Variants in CCDC33 observed in about 807,000 individuals in gnomAD.
CCDC33 encodes the protein coiled-coil domain containing 33.
A neutral mutation model predicts 91.9 loss-of-function variants in CCDC33; 94 were observed. The ratio of observed to expected loss-of-function variants is 1.02; its 90% CI spans 0.87 to 1.21. The LOEUF (loss-of-function observed/expected upper bound fraction) is 1.21, where lower values mean the gene tolerates loss of function less well. Ranked by LOEUF, CCDC33 falls within the 50% of genes most tolerant of loss-of-function variation. CCDC33 has a pLI of 0.00. For synonymous variants in CCDC33, 396 were observed against 374.5 expected, an observed-to-expected ratio of 1.06 and a Z score of -0.66; for missense variants, 940 against 935.5, an observed-to-expected ratio of 1.00 and a Z score of -0.06.
At chr15:74,211,181 A>C (rs543847370) in intron 2 of CCDC33, among the ~76,000 whole-genome samples, 11 of 124,852 alleles carry the variant, frequency 8.8e-5, no homozygotes, top group African/African-American at 3.0e-4. Flanking sequence ...ACACACACAC[A>C]CCTCACTGCT....
chr15:74,236,398 T>G lies in CCDC33; in HGVS notation c.-322T>G. ...TCCACCGTCCTAGGTGTGCCAAGAG[T>G]CAATTGCCTCATTGCTGACCCTGTC... On this transcript the variant is annotated 5_prime_UTR_variant, in exon 1 of 19. Transcript: ENST00000398814. The G allele has an allele frequency of 2.8e-6, 1 of 355,446 alleles. No individual in the cohort carries two copies. Among genetic ancestry groups the G allele is most frequent in the Non-Finnish European group, 5.1e-6 (1 of 196,506 alleles). 22.0% of individuals were successfully genotyped at this position (355,446 alleles called of 1,614,324 possible). A position where few individuals can be genotyped will look rare whatever the true frequency, so the allele number is the denominator to read the frequency against.
chr15:74,238,409 C>CAAA (rs557444250), intron 1 of CCDC33, among the ~76,000 whole-genome samples: 1 of 66,660 alleles, frequency 1.5e-5, no homozygotes. Context: ...AACTCCATCT[C>CAAA]AAAAAAAAAA....
At chr15:74,304,096 C>T (rs992210293) in intron 11 of CCDC33, 3 of 152,326 alleles carry the variant, frequency 2.0e-5, no homozygotes, top group African/African-American at 7.2e-5. Context: ...TGTGTTCCAT[C>T]TCCACCACTC....
intron 1 of CCDC33, among the ~76,000 whole-genome samples, chr15:74,203,808 T>C (rs1003493095): frequency 4.6e-5 from 7 of 151,810 alleles, no homozygotes; most frequent in Admixed American, 2.6e-4. Flanking sequence ...CCAAGAGCAT[T>C]TGGGGATGGG....
intron 11 of CCDC33, among the ~76,000 whole-genome samples, chr15:74,305,519 G>T (rs1039868913): frequency 6.6e-6 from 1 of 152,178 alleles, no homozygotes; most frequent in Admixed American, 6.5e-5. Flanking sequence ...GCATCACCCA[G>T]GGGCTAAGGG....
chr15:74,336,401 GGA>G (rs2060568125), downstream of CCDC33: 1 of 1,315,118 alleles, frequency 7.6e-7, no homozygotes, highest in Non-Finnish European at 9.9e-7. Context: ...AGCTCTGTTG[GGA>G]AATACGAGGG....
At chr15:74,265,271 G>A (rs2076136517) in intron 3 of CCDC33, among the ~76,000 whole-genome samples, 1 of 152,090 alleles carries the variant, frequency 6.6e-6, no homozygotes, top group African/African-American at 2.4e-5. Context: ...AGAAGCAGAG[G>A]GCAAGGGTCT....
chr15:74,239,281 C>G (rs1342782673), intron 1 of CCDC33, among the ~76,000 whole-genome samples: 1 of 152,092 alleles, frequency 6.6e-6, no homozygotes, highest in Admixed American at 6.6e-5. Flanking sequence ...ATCTCTCTCC[C>G]CACCAGAACC....
upstream of CCDC33, among the ~76,000 whole-genome samples, chr15:74,216,986 T>C (rs149016330): frequency 2.8e-3 from 433 of 152,326 alleles, 3 homozygotes; most frequent in African/African-American, 0.01. Context: ...AGTTATTGTT[T>C]GGTTCACTGC....
intron 9 of CCDC33, 152 bp downstream of exon 9, chr15:74,280,953 A>C: frequency 1.4e-6 from 1 of 735,926 alleles, no homozygotes; most frequent in Non-Finnish European, 1.9e-6. Context: ...CCAGTCTAGA[A>C]GTGAGGAGCT....
Position 74,316,304 on chromosome 15 carries a change from C to T in CCDC33, c.1291-13885C>T, listed in dbSNP as rs544267292. ...GCTGGGGCGCCCCTCCAGCCTCCCG[C>T]CAGAGCAGGGCTGGAAGACTGCCAT... On this transcript the variant is annotated intron_variant, in intron 11 of 18. Coordinates refer to ENST00000398814, the MANE Select transcript of CCDC33 (RefSeq NM_025055.5). This position sits in a 1 kb window ranked among gnomAD's most constrained non-coding sequence, Gnocchi z 4.7. 2.6e-5 allele frequency among the ~76,000 whole-genome samples: 4 copies of T among 152,344 alleles called. No individual in the cohort carries two copies. The highest frequency in any genetic ancestry group is 4.1e-4 in the South Asian group (2 of 4,832).
In CCDC33 at chr15:74,327,696, G is replaced by T. The variant is rs564334312; in HGVS notation, c.1291-2493G>T. ...CCCAAAACAGCTGAGTTGGAGAACA[G>T]GAGGGTCTTAGAAAAAATGACCCTC... On this transcript the variant is annotated intron_variant, in intron 11 of 18. Transcript: ENST00000398814. 1.8e-3 allele frequency among the ~76,000 whole-genome samples: 275 copies of T among 152,306 alleles called. 2 individuals are homozygous for T. Among genetic ancestry groups the T allele is most frequent in the African/African-American group, 5.2e-3 (215 of 41,562 alleles).
At chr15:74,289,211 C>G (rs564398913) in intron 10 of CCDC33, among the ~76,000 whole-genome samples, 39 of 152,330 alleles carry the variant, frequency 2.6e-4, no homozygotes, top group African/African-American at 9.1e-4. Flanking sequence ...CACATTTGGT[C>G]TCGCTGCAAT....
rs144659226 is a variant in CCDC33 at position 74,219,317 on chromosome 15, G to C, written c.675+456G>C. On this transcript the variant is annotated intron_variant, in intron 2 of 2. Coordinates refer to the CCDC33 transcript ENST00000635913. ...TCTAGTCCTTATCCGAAATATAGGA[G>C]GCTTCTCCCCTATGACCATGTTCTG... is the stretch of plus-strand genomic sequence containing the variant. Among the ~76,000 whole-genome samples, 577 of 152,306 alleles carry C rather than the reference G, an allele frequency of 3.8e-3. 3 individuals are homozygous for C. The highest frequency in any genetic ancestry group is 0.013 in the African/African-American group (547 of 41,560).
At position 74,244,774 on chromosome 15, in the gene CCDC33, A is replaced by T. The variant is rs1249570770; in HGVS notation, c.185+626A>T. 6.6e-6 allele frequency among the ~76,000 whole-genome samples: 1 copy of T among 152,196 alleles called. No homozygotes were observed. Among genetic ancestry groups the T allele is most frequent in the Non-Finnish European group, 1.5e-5 (1 of 68,030 alleles). ...TTCCAGAAAGGCGCCAAGGGGCAAC[A>T]CAATCTCCATCCAGCCAACCTTCGC... is the stretch of plus-strand genomic sequence containing the variant. On this transcript the variant is annotated intron_variant, in intron 2 of 18. Coordinates refer to ENST00000398814, the MANE Select transcript of CCDC33 (RefSeq NM_025055.5). The surrounding 1 kb of genome is among the most constrained non-coding windows in gnomAD (Gnocchi z 4.2).
At chr15:74,241,579 G>T (rs1375980521) in intron 1 of CCDC33, among the ~76,000 whole-genome samples, 1 of 152,260 alleles carries the variant, frequency 6.6e-6, no homozygotes. Flanking sequence ...GGCTCTGAGA[G>T]AAGCAGCAAG....
In CCDC33 at chr15:74,218,208, C is replaced by T. The variant is rs1413808260; in HGVS notation, c.311-289C>T. 6.6e-6 allele frequency among the ~76,000 whole-genome samples: 1 copy of T among 152,208 alleles called. No homozygotes were observed. The highest frequency in any genetic ancestry group is 1.5e-5 in the Non-Finnish European group (1 of 68,032). ...ATCAGGGGCAGGCTGAACTCTTCCCCAGTCTAGGAGTCTATGGTGGTGGCA... is the reference window on the plus strand; with the variant it reads ...ATCAGGGGCAGGCTGAACTCTTCCCTAGTCTAGGAGTCTATGGTGGTGGCA... On this transcript the variant is annotated intron_variant, in intron 1 of 2. Transcript: ENST00000635913. This position sits in a 1 kb window ranked among gnomAD's most constrained non-coding sequence, Gnocchi z 4.8.
At chr15:74,225,117 CGTGTGTGTGTGTGTGTGTGTGTGTGT>C (rs3057568) in intron 2 of CCDC33, among the ~76,000 whole-genome samples, 1 of 139,830 alleles carries the variant, frequency 7.2e-6, no homozygotes, top group Admixed American at 7.1e-5. Flanking sequence ...CTCCTGGAGG[CGTGTGTGTGTGTGTGTGTGTGTGTGT>C]GTGTGTGTGT....
At chr15:74,233,757 C>A (rs1285125800), upstream of CCDC33, among the ~76,000 whole-genome samples, 1 of 152,242 alleles carries the variant, frequency 6.6e-6, no homozygotes, top group African/African-American at 2.4e-5. Context: ...GCCCACAGAG[C>A]AGCCCTGATT....
Sources: allele counts gnomAD v4.1 joint callset (sites outside exome capture counted in the v4.1 genomes callset), GRCh38; gene constraint gnomAD v4.1.1; non-coding constraint Gnocchi (gnomAD v3.1); transcripts MANE v1.5; gene names NCBI Gene and HGNC (gene_info 2026-07-23, HGNC 2026-07-21).